The following DACH2 variants were observed in gnomAD, a reference collection of about 807,000 sequenced individuals.
DACH2 encodes dachshund homolog 2.
In DACH2, 17 loss-of-function variants were observed where a neutral mutation model predicts 35.8. That is an observed-to-expected ratio of 0.48 (90% confidence interval 0.33 to 0.71). DACH2 has a LOEUF of 0.71. Ranked by LOEUF, DACH2 falls within the 30% of genes least tolerant of loss-of-function variation. The pLI is 0.02. For missense variants in DACH2, 469 were observed against 472.7 expected (o/e 0.99, Z 0.07); for synonymous variants, 195 against 177.3 (o/e 1.10, Z -0.79).
At chrX:86,271,927 T>C (rs1026177484) in intron 1 of DACH2, among the ~76,000 whole-genome samples, 4 of 110,900 alleles carry the variant, frequency 3.6e-5, no homozygotes, top group Non-Finnish European at 7.6e-5. Context: ...AGGGTATCCA[T>C]CACCTTAATA....
intron 3 of DACH2, among the ~76,000 whole-genome samples, chrX:86,553,306 G>A (rs1023177145): frequency 9.0e-6 from 1 of 111,430 alleles, no homozygotes. Context: ...GATGAAGGCC[G>A]GAAGACTCAG....
intron 5 of DACH2, among the ~76,000 whole-genome samples, chrX:86,702,074 T>C (rs1458129539): frequency 9.0e-6 from 1 of 111,711 alleles, no homozygotes; most frequent in Non-Finnish European, 1.9e-5. Context: ...ATGAAATATC[T>C]TATCAGGCCA....
Position 86,695,026 on chromosome X carries a change from A to C in DACH2, c.778A>C (p.Ser260Arg). 2 of 1,047,028 alleles carry C rather than the reference A, an allele frequency of 1.9e-6. No homozygotes were observed. Among genetic ancestry groups the C allele is most frequent in the Non-Finnish European group, 2.5e-6 (2 of 805,505 alleles). 86.3% of individuals were successfully genotyped at this position (1,047,028 alleles called of 1,213,427 possible). ...TTTATATGAATATTTTTCAGGTGGA[A>C]GTGAATCCTCCTGGGATAAAGATAA... ...PDDLNSNTGGSESSWDKDKMQ... is the reference protein window; with the variant it reads ...PDDLNSNTGGRESSWDKDKMQ... The change falls in exon 5 of 12, where the codon AGT becomes CGT. Residue 260 changes from serine to arginine, a missense_variant. Transcript: ENST00000373125.
intron 2 of DACH2, among the ~76,000 whole-genome samples, chrX:86,502,782 C>G (rs1207646106): frequency 8.9e-6 from 1 of 112,264 alleles, no homozygotes; most frequent in Non-Finnish European, 1.9e-5. Flanking sequence ...GTCCAACCCA[C>G]AGCCCGGGGG....
At chrX:86,737,722 A>G (rs1265223606) in intron 6 of DACH2, among the ~76,000 whole-genome samples, 1 of 111,540 alleles carries the variant, frequency 9.0e-6, no homozygotes, top group Non-Finnish European at 1.9e-5. Context: ...GGCTCCAGAG[A>G]AGAATCTGTT....
chrX:86,325,234 T>G (rs1233463923), intron 1 of DACH2, among the ~76,000 whole-genome samples: 6 of 111,648 alleles, frequency 5.4e-5, no homozygotes, highest in Non-Finnish European at 9.4e-5. Flanking sequence ...ATCTAAAGGG[T>G]ATCTAAAGCA....
intron 3 of DACH2, among the ~76,000 whole-genome samples, chrX:86,535,952 G>A (rs527257313): frequency 5.4e-5 from 6 of 111,135 alleles, no homozygotes; most frequent in Admixed American, 9.6e-5. Context: ...ACCTTGCAGC[G>A]GCACGGCAAA....
chrX:86,718,857 A>G (rs1258072329), intron 6 of DACH2, among the ~76,000 whole-genome samples: 1 of 111,805 alleles, frequency 8.9e-6, no homozygotes, highest in Non-Finnish European at 1.9e-5. Flanking sequence ...TTATATCAGT[A>G]CCATGCTGCT....
At chrX:86,478,254 G>T (rs141019316) in intron 2 of DACH2, among the ~76,000 whole-genome samples, 133 of 111,892 alleles carry the variant, frequency 1.2e-3, no homozygotes, top group Non-Finnish European at 1.1e-3. Context: ...TCTTTCTGAT[G>T]AAAGTACTCT....
intron 5 of DACH2, among the ~76,000 whole-genome samples, chrX:86,705,934 C>A (rs2041211326): frequency 8.9e-6 from 1 of 111,976 alleles, no homozygotes; most frequent in African/African-American, 3.2e-5. Flanking sequence ...AAATTAATAT[C>A]TTTTGCAGTC....
intron 3 of DACH2, among the ~76,000 whole-genome samples, chrX:86,519,150 T>G (rs758674446): frequency 8.9e-6 from 1 of 112,346 alleles, no homozygotes; most frequent in African/African-American, 3.2e-5. Context: ...TCTATTGAGA[T>G]AATCATGTGG....
intron 1 of DACH2, among the ~76,000 whole-genome samples, chrX:86,190,184 A>G (rs976785651): frequency 3.8e-4 from 42 of 110,605 alleles, no homozygotes; most frequent in African/African-American, 1.4e-3. Context: ...AAAGTAAAAT[A>G]AAAACTTCAT....
intron 2 of DACH2, among the ~76,000 whole-genome samples, chrX:86,378,894 T>G (rs773087965): frequency 9.0e-6 from 1 of 111,425 alleles, no homozygotes; most frequent in East Asian, 2.8e-4. Context: ...GTTTTATTTT[T>G]TACTACTTCA....
intron 1 of DACH2, among the ~76,000 whole-genome samples, chrX:86,317,088 G>A (rs1423715403): frequency 1.0e-5 from 1 of 95,917 alleles, no homozygotes; most frequent in Non-Finnish European, 2.0e-5. Context: ...CTGCACTCCA[G>A]CCTGGGCAAC....
chrX:86,815,707 T>G (rs188850478), intron 10 of DACH2, among the ~76,000 whole-genome samples: 1 of 107,388 alleles, frequency 9.3e-6, no homozygotes, highest in African/African-American at 3.4e-5. Flanking sequence ...AAAGGGAACA[T>G]ATACCATGAG....
intron 1 of DACH2, among the ~76,000 whole-genome samples, chrX:86,251,536 A>C (rs1050481758): frequency 9.0e-6 from 1 of 110,990 alleles, no homozygotes; most frequent in African/African-American, 3.3e-5. Context: ...TATCATTCTT[A>C]TGCCTTTGCA....
chrX:86,746,803 C>T (rs1217744058), intron 7 of DACH2, among the ~76,000 whole-genome samples: 1 of 111,064 alleles, frequency 9.0e-6, no homozygotes, highest in East Asian at 2.8e-4. Context: ...TTTTTTGACA[C>T]ATGTGCTTTT....
At chrX:86,534,573 A>G (rs138058576) in intron 3 of DACH2, among the ~76,000 whole-genome samples, 1,202 of 112,125 alleles carry the variant, frequency 0.011, 3 homozygotes, top group Non-Finnish European at 0.017. Context: ...GGCTTGAGCT[A>G]AATCATGCAT....
chrX:86,397,691 A>C lies in DACH2; in HGVS notation c.527+20829A>C, dbSNP rs187498163. Among the ~76,000 whole-genome samples, 552 of 111,968 alleles carry C rather than the reference A, an allele frequency of 4.9e-3. 5 individuals carry two copies. Among genetic ancestry groups the C allele is most frequent in the African/African-American group, 0.017 (536 of 30,836 alleles). On this transcript the variant is annotated intron_variant, in intron 2 of 11. Transcript: ENST00000373125. ...TGGTTCTGTTTATATGCTGGATTAC[A>C]TTTATTGATTTTCCTATGTTGAACC...
Sources: allele counts gnomAD v4.1 joint callset (sites outside exome capture counted in the v4.1 genomes callset), GRCh38; gene constraint gnomAD v4.1.1; transcripts MANE v1.5; gene names NCBI Gene and HGNC (gene_info 2026-07-23, HGNC 2026-07-21).